The following USP6NL variants were observed in gnomAD, a reference collection of about 807,000 sequenced individuals.
USP6NL encodes the protein USP6 N-terminal-like protein.
Under a neutral mutation model 61.9 loss-of-function variants are expected in USP6NL, and 26 were observed. That is an observed-to-expected ratio of 0.42 (90% CI 0.31 to 0.58). USP6NL has a LOEUF of 0.58. Among genes scored for constraint, USP6NL ranks in the 20% least tolerant of loss-of-function variants. USP6NL has a pLI of 0.16. For missense variants in USP6NL, 1,114 were observed against 1,034.3 expected, an observed-to-expected ratio of 1.08 and a Z score of -1.06; for synonymous variants, 432 against 390.1, an observed-to-expected ratio of 1.11 and a Z score of -1.27.
At chr10:11,466,700 G>A (rs755927491) in intron 14 of USP6NL, among the ~76,000 whole-genome samples, 3 of 152,148 alleles carry the variant, frequency 2.0e-5, no homozygotes, top group Non-Finnish European at 4.4e-5. Flanking sequence ...TCATCACCGT[G>A]TGAACATCAG....
intron 7 of USP6NL, among the ~76,000 whole-genome samples, chr10:11,497,621 C>T (rs1237598135): frequency 4.6e-5 from 7 of 151,942 alleles, no homozygotes; most frequent in Non-Finnish European, 1.0e-4. Flanking sequence ...ATCAGTTCCT[C>T]CAGAGGACAA....
chr10:11,537,753 C>T lies in USP6NL; in HGVS notation c.5-10186G>A, dbSNP rs566643158. 5.5e-4 allele frequency among the ~76,000 whole-genome samples: 84 copies of T among 152,294 alleles called. No homozygotes were observed. The highest frequency in any genetic ancestry group is 2.0e-3 in the African/African-American group (83 of 41,550). On this transcript the variant is annotated intron_variant, in intron 2 of 14. Coordinates refer to ENST00000609104, the MANE Select transcript of USP6NL (RefSeq NM_014688.5). The surrounding 1 kb of genome is among the most constrained non-coding windows in gnomAD (Gnocchi z 5.1). ...TCCCCTTTCCCTATGGTGAGCACTG[C>T]CGGGGTGGAAGGACCAGGCACACAC...
intron 14 of USP6NL, among the ~76,000 whole-genome samples, chr10:11,473,164 G>A (rs774237498): frequency 3.3e-5 from 5 of 152,146 alleles, no homozygotes; most frequent in Non-Finnish European, 7.4e-5. Flanking sequence ...AACTGCCTCA[G>A]GCTAACCTTT....
Position 11,598,539 on chromosome 10 carries a change from C to T in USP6NL, c.-83-822G>A, listed in dbSNP as rs1838403776. The stretch of plus-strand genomic sequence containing the variant: ...TATTAATGCTATATTTAAACATAAC[C>T]ATGGATGCACAAATGCCTACCTAAA... On this transcript the variant is annotated intron_variant, in intron 1 of 14. Transcript: ENST00000609104. The surrounding 1 kb of genome is among the most constrained non-coding windows in gnomAD (Gnocchi z 4.7). 6.6e-6 allele frequency among the ~76,000 whole-genome samples: 1 copy of T among 151,958 alleles called. No homozygotes were observed. Among genetic ancestry groups the T allele is most frequent in the African/African-American group, 2.4e-5 (1 of 41,366 alleles).
At position 11,596,866 on chromosome 10, in the gene USP6NL, G is replaced by A. The variant is rs1838346458; in HGVS notation, c.4+765C>T. Among the ~76,000 whole-genome samples the A allele has an allele frequency of 6.6e-6, 1 of 151,838 alleles. No homozygotes were observed. Among genetic ancestry groups the A allele is most frequent in the South Asian group, 2.1e-4 (1 of 4,814 alleles). Reference sequence around the variant, plus strand: ...GAAAAGCTGCCCTATTTCATATTAAGGTAAATATAATCAATACAAATACTA... The same window carrying A: ...GAAAAGCTGCCCTATTTCATATTAAAGTAAATATAATCAATACAAATACTA... On this transcript the variant is annotated intron_variant, in intron 2 of 14. Coordinates refer to ENST00000609104, the MANE Select transcript of USP6NL (RefSeq NM_014688.5). The surrounding 1 kb of genome is among the most constrained non-coding windows in gnomAD (Gnocchi z 4.1).
At chr10:11,527,410 G>T in intron 3 of USP6NL, 90 bp downstream of exon 3, 1 of 1,161,016 alleles carries the variant, frequency 8.6e-7, no homozygotes, top group Non-Finnish European at 1.2e-6. Context: ...AACTGCTTCT[G>T]GAATGTAAGC....
In USP6NL at chr10:11,478,253, C is replaced by T. The variant is rs1263145258; in HGVS notation, c.1078+3517G>A. On this transcript the variant is annotated intron_variant, in intron 14 of 14. Transcript: ENST00000609104. This position sits in a 1 kb window ranked among gnomAD's most constrained non-coding sequence, Gnocchi z 6.8. Reference sequence around the variant, plus strand: ...TAGGCTCCAACGCCAGTGGCAGCAGCGACGTCCACACACCTGAGGCTGTGG... The same window carrying T: ...TAGGCTCCAACGCCAGTGGCAGCAGTGACGTCCACACACCTGAGGCTGTGG... 6.6e-6 allele frequency among the ~76,000 whole-genome samples: 1 copy of T among 152,196 alleles called. No individual in the cohort carries two copies. The highest frequency in any genetic ancestry group is 1.5e-5 in the Non-Finnish European group (1 of 68,040).
chr10:11,584,029 A>G (rs1837883971), intron 2 of USP6NL, among the ~76,000 whole-genome samples: 1 of 151,612 alleles, frequency 6.6e-6, no homozygotes, highest in African/African-American at 2.4e-5. Context: ...ACTCTGTCTC[A>G]AAAAAAGAAA....
At chr10:11,603,596 C>A (rs542706954) in intron 1 of USP6NL, among the ~76,000 whole-genome samples, 236 of 152,210 alleles carry the variant, frequency 1.6e-3, no homozygotes, top group Non-Finnish European at 3.1e-3. Context: ...TAAATAATTC[C>A]AGGCCCTATC....
At position 11,496,721 on chromosome 10, in the gene USP6NL, C is replaced by T. The variant is rs1037585209; in HGVS notation, c.385-3493G>A. 6.6e-6 allele frequency among the ~76,000 whole-genome samples: 1 copy of T among 152,042 alleles called. No homozygotes were observed. Among genetic ancestry groups the T allele is most frequent in the Non-Finnish European group, 1.5e-5 (1 of 68,010 alleles). On this transcript the variant is annotated intron_variant, in intron 7 of 14. Transcript: ENST00000609104. This position sits in a 1 kb window ranked among gnomAD's most constrained non-coding sequence, Gnocchi z 5.4. Reference sequence around the variant, plus strand: ...CCAATAAATATACATAAAAACATAACTGTTCCCGACTTCAGCTAAAAGTGG... The same window carrying T: ...CCAATAAATATACATAAAAACATAATTGTTCCCGACTTCAGCTAAAAGTGG...
Position 11,597,583 on chromosome 10 carries a change from A to G in USP6NL, c.4+48T>C. The G allele has an allele frequency of 6.5e-7, 1 of 1,543,982 alleles. No individual in the cohort carries two copies. The highest frequency in any genetic ancestry group is 8.8e-7 in the Non-Finnish European group (1 of 1,139,910). On this transcript the variant is annotated intron_variant, in intron 2 of 14. Transcript: ENST00000609104. The surrounding 1 kb of genome is among the most constrained non-coding windows in gnomAD (Gnocchi z 4.6). ...GTTTTTCTTCTCCTAAGCACAATAC[A>G]GCAAACGCTCCTGAGATGGCTGGAA...
In USP6NL at chr10:11,595,585, G is replaced by C. The variant is rs1262174438; in HGVS notation, c.4+2046C>G. Among the ~76,000 whole-genome samples the C allele has an allele frequency of 1.3e-5, 2 of 152,014 alleles. No homozygotes were observed. The highest frequency in any genetic ancestry group is 2.9e-5 in the Non-Finnish European group (2 of 68,008). On this transcript the variant is annotated intron_variant, in intron 2 of 14. Coordinates refer to ENST00000609104, the MANE Select transcript of USP6NL (RefSeq NM_014688.5). This position sits in a 1 kb window ranked among gnomAD's most constrained non-coding sequence, Gnocchi z 5.3. Reference sequence around the variant, plus strand: ...CTAACACAGACCTGATTCTGATCTGGGAACTCCAAAGCCAGGCAGAGACAA... The same window carrying C: ...CTAACACAGACCTGATTCTGATCTGCGAACTCCAAAGCCAGGCAGAGACAA...
chr10:11,548,170 CAT>C lies in USP6NL; in HGVS notation c.5-20605_5-20604del, dbSNP rs771852716. On this transcript the variant is annotated intron_variant, in intron 2 of 14. Coordinates refer to ENST00000609104, the MANE Select transcript of USP6NL (RefSeq NM_014688.5). The surrounding 1 kb of genome is among the most constrained non-coding windows in gnomAD (Gnocchi z 4.3). ...TTCTAAACAAAATTAGGCTTTTCCA[CAT>C]GAGAGGCCTGTAAATACAAAACTCT... is the stretch of plus-strand genomic sequence containing the variant. 1.6e-4 allele frequency among the ~76,000 whole-genome samples: 24 copies of C among 152,282 alleles called. No homozygotes were observed. Among genetic ancestry groups the C allele is most frequent in the African/African-American group, 2.4e-4 (10 of 41,554 alleles).
chr10:11,489,518 T>C lies in USP6NL; in HGVS notation c.544-296A>G, dbSNP rs1371285851. Among the ~76,000 whole-genome samples, 3 of 152,260 alleles carry C rather than the reference T, an allele frequency of 2.0e-5. No homozygotes were observed. Among genetic ancestry groups the C allele is most frequent in the Non-Finnish European group, 2.9e-5 (2 of 68,042 alleles). On this transcript the variant is annotated intron_variant, in intron 9 of 14. Transcript: ENST00000609104. The surrounding 1 kb of genome is among the most constrained non-coding windows in gnomAD (Gnocchi z 5.7). ...GATAATATTTATTTCACTTTATGTA[T>C]GATTCTTAGCTCACTATTCCTCTTC...
chr10:11,606,901 G>A (rs1042942098), intron 1 of USP6NL, among the ~76,000 whole-genome samples: 5 of 150,156 alleles, frequency 3.3e-5, no homozygotes, highest in African/African-American at 1.2e-4. Flanking sequence ...AGTGATTGTT[G>A]TGCCTCAGCC....
At chr10:11,588,543 A>AC (rs1306532314) in intron 2 of USP6NL, among the ~76,000 whole-genome samples, 2 of 152,248 alleles carry the variant, frequency 1.3e-5, no homozygotes, top group Non-Finnish European at 2.9e-5. Context: ...CTGAAAAAAT[A>AC]AAGTTGGACT....
rs944521423 is a variant in USP6NL at position 11,511,296 on chromosome 10, G to A, written c.196-1621C>T. Among the ~76,000 whole-genome samples, 10 of 152,102 alleles carry A rather than the reference G, an allele frequency of 6.6e-5. No individual in the cohort carries two copies. The highest frequency in any genetic ancestry group is 2.2e-4 in the African/African-American group (9 of 41,424). On this transcript the variant is annotated intron_variant, in intron 5 of 14. Coordinates refer to ENST00000609104, the MANE Select transcript of USP6NL (RefSeq NM_014688.5). The surrounding 1 kb of genome is among the most constrained non-coding windows in gnomAD (Gnocchi z 4.9). Reference sequence around the variant, plus strand: ...ATATTTTCCTCATTATATTATTAGTGATAAACTGTTGCAGATGGTTCCAGA... The same window carrying A: ...ATATTTTCCTCATTATATTATTAGTAATAAACTGTTGCAGATGGTTCCAGA...
chr10:11,594,176 C>G (rs1838246576), intron 2 of USP6NL, among the ~76,000 whole-genome samples: 1 of 152,114 alleles, frequency 6.6e-6, no homozygotes, highest in Non-Finnish European at 1.5e-5. Flanking sequence ...CCCCTAGAAA[C>G]TGCAGCACAA....
At chr10:11,555,835 G>GCCAGAAGA (rs1836689388) in intron 2 of USP6NL, among the ~76,000 whole-genome samples, 1 of 152,148 alleles carries the variant, frequency 6.6e-6, no homozygotes, top group African/African-American at 2.4e-5. Flanking sequence ...AACTATGAAA[G>GCCAGAAGA]TCAGAAGATA....
Sources: gnomAD v4.1 joint callset for allele counts (sites outside exome capture counted in the v4.1 genomes callset) on GRCh38, gnomAD v4.1.1 for gene constraint, Gnocchi (gnomAD v3.1) non-coding constraint, MANE v1.5 for transcripts, NCBI Gene and HGNC (gene_info 2026-07-23, HGNC 2026-07-21) for gene names.